Variants in HSDL2 observed in about 807,000 individuals in gnomAD.
HSDL2 encodes the protein hydroxysteroid dehydrogenase like 2.
A neutral mutation model predicts 46.3 loss-of-function variants in HSDL2; 27 were observed. That is an observed-to-expected ratio of 0.58 (90% confidence interval 0.43 to 0.80). HSDL2 has a LOEUF of 0.80. Ranked by LOEUF, HSDL2 falls within the 30% of genes least tolerant of loss-of-function variation. The pLI is 0.00. For synonymous variants in HSDL2, 153 were observed against 163.6 expected (o/e 0.94, Z 0.50); for missense variants, 451 against 502.7 (o/e 0.90, Z 0.98).
Position 112,393,162 on chromosome 9 carries a change from G to A in HSDL2, c.18-10833G>A, listed in dbSNP as rs559778145. ...GCCCCCAATAGACTTAATCCAAGTC[G>A]TGGGGTTTAGTCCAGAAAGACTTTC... On this transcript the variant is annotated intron_variant, in intron 1 of 10. Coordinates refer to ENST00000398805, the MANE Select transcript of HSDL2 (RefSeq NM_032303.5). 1.4e-3 allele frequency among the ~76,000 whole-genome samples: 216 copies of A among 152,314 alleles called. 2 individuals are homozygous for A. Among genetic ancestry groups the A allele is most frequent in the Middle Eastern group, 0.014 (4 of 294 alleles).
chr9:112,467,734 C>T (rs1833434608), intron 10 of HSDL2, among the ~76,000 whole-genome samples: 1 of 152,176 alleles, frequency 6.6e-6, no homozygotes, highest in Admixed American at 6.5e-5. Flanking sequence ...CTGTACTCTT[C>T]CCACAGCTTC....
chr9:112,472,323 T>C lies in HSDL2; in HGVS notation c.*1779T>C, dbSNP rs557281881. ...TTTACAAATGCAGACCATTCTATCA[T>C]ACCTGGCGGGGCTTCTGTTTTATTT... On this transcript the variant is annotated 3_prime_UTR_variant, in exon 11 of 11. Coordinates refer to ENST00000398805, the MANE Select transcript of HSDL2 (RefSeq NM_032303.5). 33 of 152,398 alleles carry C rather than the reference T, an allele frequency of 2.2e-4. No individual in the cohort carries two copies. The highest frequency in any genetic ancestry group is 6.0e-4 in the African/African-American group (25 of 41,584). 9.4% of individuals were successfully genotyped at this position (152,398 alleles called of 1,614,324 possible).
At chr9:112,419,083 A>T (rs1448506534) in intron 6 of HSDL2, 125 bp downstream of exon 6, 2 of 456,522 alleles carry the variant, frequency 4.4e-6, no homozygotes, top group Non-Finnish European at 8.3e-6. Flanking sequence ...ATCTTGGCTC[A>T]CTGCAACCTC....
chr9:112,421,647 C>T (rs1054802120), intron 6 of HSDL2, among the ~76,000 whole-genome samples: 1 of 152,066 alleles, frequency 6.6e-6, no homozygotes. Flanking sequence ...GTGATATATC[C>T]TCCTCGGCCT....
intron 1 of HSDL2, among the ~76,000 whole-genome samples, chr9:112,380,506 G>C (rs751139027): frequency 3.3e-5 from 5 of 152,214 alleles, no homozygotes; most frequent in Non-Finnish European, 7.3e-5. Context: ...GGCCGAATGC[G>C]TGTGAGTTCT....
At chr9:112,398,498 A>G (rs11496553) in intron 1 of HSDL2, among the ~76,000 whole-genome samples, 2,467 of 152,124 alleles carry the variant, frequency 0.016, 42 homozygotes, top group Non-Finnish European at 0.022. Context: ...CGTTAAGCCA[A>G]AGTCACCAGA....
Position 112,454,330 on chromosome 9 carries a change from TTTG to T in HSDL2, c.1015+179_1015+181del, listed in dbSNP as rs1020817278. On this transcript the variant is annotated intron_variant, in intron 9 of 10. Transcript: ENST00000398805. ...CAGCAACCATAACTATTGATTTGTT[TTTG>T]TTGTTGTTGTGTCTTTGAGATGGAG... Among the ~76,000 whole-genome samples, 41 of 152,138 alleles carry T rather than the reference TTTG, an allele frequency of 2.7e-4. 1 individual carries two copies. The highest frequency in any genetic ancestry group is 2.7e-3 in the Admixed American group (41 of 15,276).
intron 1 of HSDL2, among the ~76,000 whole-genome samples, chr9:112,390,988 C>T (rs1378907516): frequency 3.3e-5 from 5 of 151,870 alleles, no homozygotes; most frequent in Middle Eastern, 3.2e-3. Flanking sequence ...CCAGCCTGGC[C>T]AACATGGTGA....
At position 112,431,879 on chromosome 9, in the gene HSDL2, T is replaced by C. The variant is rs1006871262; in HGVS notation, c.599-6552T>C. On this transcript the variant is annotated intron_variant, in intron 6 of 10. Coordinates refer to ENST00000398805, the MANE Select transcript of HSDL2 (RefSeq NM_032303.5). Reference sequence around the variant, plus strand: ...CCAGTCTCAGGTATTTCTTTCTTTTTTTTTTTTTTTTTTGAGACGGAGTCT... The same window carrying C: ...CCAGTCTCAGGTATTTCTTTCTTTTCTTTTTTTTTTTTTGAGACGGAGTCT... 1.3e-4 allele frequency among the ~76,000 whole-genome samples: 19 copies of C among 149,190 alleles called. No homozygotes were observed. In the East Asian group the frequency reaches 2.9e-3, roughly 23 times the overall value.
Position 112,386,560 on chromosome 9 carries a change from T to A in HSDL2, c.17+6380T>A, listed in dbSNP as rs145529967. ...ATTTTGAGAGGCCAAGGTGGGAGAA[T>A]CGCTTGAGCCCAGGAGTTCAAGACC... On this transcript the variant is annotated intron_variant, in intron 1 of 10. Transcript: ENST00000398805. Among the ~76,000 whole-genome samples the A allele has an allele frequency of 7.7e-3, 1,163 of 151,482 alleles. 8 individuals carry two copies. Among genetic ancestry groups the A allele is most frequent in the Admixed American group, 0.015 (235 of 15,198 alleles).
At chr9:112,382,321 C>T (rs993506537) in intron 1 of HSDL2, among the ~76,000 whole-genome samples, 3 of 152,170 alleles carry the variant, frequency 2.0e-5, no homozygotes, top group Admixed American at 2.0e-4. Context: ...CAGATGACCC[C>T]CCAGAAGGGT....
intron 4 of HSDL2, among the ~76,000 whole-genome samples, chr9:112,416,439 A>C (rs7024376): frequency 0.42 from 63,432 of 150,340 alleles, 13,422 homozygotes; most frequent in Middle Eastern, 0.52. Flanking sequence ...ATTAAAAAAA[A>C]AAACAAACAA....
chr9:112,389,214 A>G (rs570025428), intron 1 of HSDL2, among the ~76,000 whole-genome samples: 2 of 152,154 alleles, frequency 1.3e-5, no homozygotes, highest in African/African-American at 4.8e-5. Context: ...TTGTAGAGAC[A>G]GGGTCTCACT....
At chr9:112,445,152 T>C (rs1832729166) in intron 8 of HSDL2, among the ~76,000 whole-genome samples, 1 of 152,198 alleles carries the variant, frequency 6.6e-6, no homozygotes, top group Admixed American at 6.5e-5. Context: ...GTGCTGGGAT[T>C]ACAGGCATGA....
intron 8 of HSDL2, among the ~76,000 whole-genome samples, chr9:112,442,268 CAAAAAAAA>C (rs71382431): frequency 0.046 from 2,199 of 47,536 alleles, 33 homozygotes; most frequent in Admixed American, 0.067. Flanking sequence ...GACCCTGTCT[CAAAAAAAA>C]AAAAAAAAAA....
chr9:112,396,468 C>T (rs1009162939), intron 1 of HSDL2, among the ~76,000 whole-genome samples: 2 of 152,126 alleles, frequency 1.3e-5, no homozygotes, highest in African/African-American at 4.8e-5. Context: ...ACCACCAGAG[C>T]CCATCCCAGG....
intron 8 of HSDL2, among the ~76,000 whole-genome samples, chr9:112,449,243 T>G (rs2132684828): frequency 6.6e-6 from 1 of 151,974 alleles, no homozygotes; most frequent in South Asian, 2.1e-4. Flanking sequence ...CACGCCACCA[T>G]GCCCAGCTAA....
rs1833564548 is a variant in HSDL2, at chr9:112,471,109, A to G, written c.*565A>G. 1 of 152,262 alleles carries G rather than the reference A, an allele frequency of 6.6e-6. No individual in the cohort carries two copies. Among genetic ancestry groups the G allele is most frequent in the African/African-American group, 2.4e-5 (1 of 41,478 alleles). 9.4% of individuals were successfully genotyped at this position (152,262 alleles called of 1,614,324 possible). A position where few individuals can be genotyped will look rare whatever the true frequency, so the allele number is the denominator to read the frequency against. ...TTTCCAGGTGGACTTAGCCATAGGA[A>G]AATATTACTAATGTAATTTAACAAA... On this transcript the variant is annotated 3_prime_UTR_variant, in exon 11 of 11. Transcript: ENST00000398805.
At chr9:112,427,437 G>A (rs1020467784) in intron 6 of HSDL2, among the ~76,000 whole-genome samples, 2 of 152,038 alleles carry the variant, frequency 1.3e-5, no homozygotes, top group Non-Finnish European at 2.9e-5. Flanking sequence ...TAAATGATTC[G>A]GTCTCTTTAA....
Sources: allele counts gnomAD v4.1 joint callset (sites outside exome capture counted in the v4.1 genomes callset), GRCh38; gene constraint gnomAD v4.1.1; transcripts MANE v1.5; gene names NCBI Gene and HGNC (gene_info 2026-07-23, HGNC 2026-07-21).